CELF2: variants seen among roughly 807,000 people sequenced by gnomAD.
CELF2 encodes the protein CUGBP Elav-like family member 2.
A neutral mutation model predicts 62.6 loss-of-function variants in CELF2; 8 were observed. That is an observed-to-expected ratio of 0.13 (90% CI 0.07 to 0.23). The LOEUF (loss-of-function observed/expected upper bound fraction) is 0.23, where lower values mean the gene tolerates loss of function less well. CELF2 is among the 10% of genes least tolerant of loss of function. CELF2 has a pLI of 1.00. For missense variants in CELF2, 333 were observed against 671.0 expected (o/e 0.50, Z 5.56); for synonymous variants, 258 against 250.0 (o/e 1.03, Z -0.30).
the CELF2 span, among the ~76,000 whole-genome samples, chr10:10,608,866 A>C: frequency 6.6e-6 from 1 of 152,182 alleles, no homozygotes; most frequent in Admixed American, 6.5e-5. Flanking sequence ...CCTAGAACTA[A>C]AAGTACTTGT....
At chr10:10,678,821 T>A in the CELF2 span, among the ~76,000 whole-genome samples, 3 of 152,220 alleles carry the variant, frequency 2.0e-5, no homozygotes, top group Non-Finnish European at 4.4e-5. Context: ...TGGAATCTAC[T>A]GGGGATCTGA....
At chr10:10,804,528 G>A (rs905755533) in intron 1 of CELF2, among the ~76,000 whole-genome samples, 7 of 152,220 alleles carry the variant, frequency 4.6e-5, no homozygotes, top group Admixed American at 4.6e-4. Context: ...GAGCCCTGGT[G>A]ATATTTCAAA....
At chr10:10,779,858 TA>T in the CELF2 span, among the ~76,000 whole-genome samples, 2,596 of 144,590 alleles carry the variant, frequency 0.018, 32 homozygotes, top group African/African-American at 0.032. Context: ...TGAAAGCTAT[TA>T]AAAAAAAAAA....
At chr10:11,283,652 C>T (rs1022895189) in intron 8 of CELF2, among the ~76,000 whole-genome samples, 1 of 144,226 alleles carries the variant, frequency 6.9e-6, no homozygotes, top group African/African-American at 2.6e-5. Context: ...GGTTGATGGA[C>T]GATGGGTGGA....
rs1207460688 is a variant in CELF2 at position 11,296,397 on chromosome 10, A to AT, written c.976+7851dup. The stretch of plus-strand genomic sequence containing the variant: ...GTTTTCTGTCCAGCCACTTAATGAG[A>AT]TTTTTTATTCTCACTAAATCACAGA... On this transcript the variant is annotated intron_variant, in intron 9 of 12. Transcript: ENST00000633077. This position sits in a 1 kb window ranked among gnomAD's most constrained non-coding sequence, Gnocchi z 5.0. Among the ~76,000 whole-genome samples the AT allele has an allele frequency of 1.3e-5, 2 of 152,126 alleles. No individual in the cohort carries two copies. Among genetic ancestry groups the AT allele is most frequent in the Non-Finnish European group, 2.9e-5 (2 of 68,000 alleles).
intron 1 of CELF2, among the ~76,000 whole-genome samples, chr10:10,811,147 C>T (rs184454138): frequency 6.6e-6 from 1 of 152,308 alleles, no homozygotes; most frequent in East Asian, 1.9e-4. Flanking sequence ...CAGAGTTGTC[C>T]TGTTCAAGGA....
chr10:11,190,225 G>C (rs1484300464), intron 2 of CELF2, among the ~76,000 whole-genome samples: 1 of 152,172 alleles, frequency 6.6e-6, no homozygotes, highest in East Asian at 1.9e-4. Context: ...GAAATTTACA[G>C]TGCGTACACA....
intron 1 of CELF2, among the ~76,000 whole-genome samples, chr10:11,066,890 C>T (rs535252444): frequency 6.6e-6 from 1 of 152,282 alleles, no homozygotes; most frequent in Admixed American, 6.5e-5. Flanking sequence ...TCCCTTCCCC[C>T]TGAGACCGCT....
At chr10:10,465,462 G>C in the CELF2 span, among the ~76,000 whole-genome samples, 1 of 152,044 alleles carries the variant, frequency 6.6e-6, no homozygotes, top group Admixed American at 6.6e-5. Context: ...TCTCTCATTT[G>C]CTTCAATTCT....
At chr10:11,158,081 A>G (rs538718077) in intron 1 of CELF2, among the ~76,000 whole-genome samples, 15 of 152,296 alleles carry the variant, frequency 9.8e-5, no homozygotes, top group African/African-American at 3.6e-4. Context: ...ATTTGTCTTC[A>G]TCTTATCATT....
At chr10:10,841,345 C>CA (rs34172827) in intron 1 of CELF2, among the ~76,000 whole-genome samples, 100,533 of 145,862 alleles carry the variant, frequency 0.69, 35,227 homozygotes, top group African/African-American at 0.85. Context: ...GATATAGTAT[C>CA]AAAAAAAAAA....
In CELF2 at chr10:11,305,788, T is replaced by C. The variant is rs1051317001; in HGVS notation, c.977-8351T>C. 6.6e-6 allele frequency among the ~76,000 whole-genome samples: 1 copy of C among 152,230 alleles called. No individual in the cohort carries two copies. The highest frequency in any genetic ancestry group is 1.5e-5 in the Non-Finnish European group (1 of 68,040). ...AGTTGGGATTAGTGTTTGGGATTAC[T>C]CAATTTGTAGTTTTCCAACAGTGAG... On this transcript the variant is annotated intron_variant, in intron 9 of 12. Transcript: ENST00000633077. This position sits in a 1 kb window ranked among gnomAD's most constrained non-coding sequence, Gnocchi z 4.8.
the CELF2 span, among the ~76,000 whole-genome samples, chr10:10,666,658 C>T: frequency 3.9e-5 from 3 of 77,272 alleles, 1 homozygote; most frequent in Non-Finnish European, 7.5e-5. Flanking sequence ...GTCAGGAGAT[C>T]GAGACCATTC....
the CELF2 span, among the ~76,000 whole-genome samples, chr10:10,539,974 A>G: frequency 6.6e-6 from 1 of 152,272 alleles, no homozygotes; most frequent in Non-Finnish European, 1.5e-5. Flanking sequence ...TCGGGAACAA[A>G]TTATTTCCAT....
chr10:11,324,844 T>C lies in CELF2; in HGVS notation c.1295-992T>C, dbSNP rs1361361195. ...TGGGCAGGCAGGCCTGTTCCTCTCC[T>C]GTGAAGGCCAGTTGAGGATTCCTGA... On this transcript the variant is annotated intron_variant, in intron 11 of 12. Coordinates refer to ENST00000633077, the MANE Select transcript of CELF2 (RefSeq NM_001326342.2). This position sits in a 1 kb window ranked among gnomAD's most constrained non-coding sequence, Gnocchi z 4.7. Among the ~76,000 whole-genome samples, 1 of 152,166 alleles carries C rather than the reference T, an allele frequency of 6.6e-6. No individual in the cohort carries two copies. Among genetic ancestry groups the C allele is most frequent in the East Asian group, 1.9e-4 (1 of 5,200 alleles).
intron 1 of CELF2, among the ~76,000 whole-genome samples, chr10:10,825,943 T>C (rs960015908): frequency 6.6e-6 from 1 of 152,182 alleles, no homozygotes; most frequent in Non-Finnish European, 1.5e-5. Flanking sequence ...AACAATAATA[T>C]TATCTATATC....
In CELF2 at chr10:11,275,892, T is replaced by G. The variant is rs564127933; in HGVS notation, c.841+772T>G. Among the ~76,000 whole-genome samples the G allele has an allele frequency of 3.3e-5, 5 of 152,252 alleles. No individual in the cohort carries two copies. The South Asian group carries it at 1.0e-3, about 32-fold the overall frequency. On this transcript the variant is annotated intron_variant, in intron 8 of 12. Transcript: ENST00000633077. ...AATAAATCAGAACACAGGTGCCCAT[T>G]AACCTGCCGTGAGGAACGGTCAGAG...
upstream of CELF2, among the ~76,000 whole-genome samples, chr10:11,002,524 C>T (rs141917610): frequency 3.3e-5 from 5 of 152,212 alleles, no homozygotes; most frequent in Non-Finnish European, 7.4e-5. This position sits in a 1 kb window ranked among gnomAD's most constrained non-coding sequence, Gnocchi z 4.4. Context: ...CATGTGGTGT[C>T]GTAGAAAGGG....
the CELF2 span, among the ~76,000 whole-genome samples, chr10:10,715,030 C>T: frequency 6.6e-6 from 1 of 152,030 alleles, no homozygotes; most frequent in Non-Finnish European, 1.5e-5. Context: ...ACCTAGGTGA[C>T]AGAAAGAAGG....
Sources: gnomAD v4.1 joint callset for allele counts (sites outside exome capture counted in the v4.1 genomes callset) on GRCh38, gnomAD v4.1.1 for gene constraint, Gnocchi (gnomAD v3.1) non-coding constraint, MANE v1.5 for transcripts, NCBI Gene and HGNC (gene_info 2026-07-23, HGNC 2026-07-21) for gene names.